The following NLRP5 variants were observed in gnomAD, a reference collection of about 807,000 sequenced individuals.
NLRP5 encodes the protein NACHT, LRR and PYD domains-containing protein 5.
A neutral mutation model predicts 113.1 loss-of-function variants in NLRP5; 93 were observed. The observed-to-expected ratio is 0.82, with a 90% CI of 0.70 to 0.98. The LOEUF (loss-of-function observed/expected upper bound fraction) is 0.98. Ranked by LOEUF, NLRP5 falls within the 50% of genes least tolerant of loss-of-function variation. The pLI is 0.00. For synonymous variants in NLRP5, 751 were observed against 600.7 expected (o/e 1.25, Z -3.66); for missense variants, 1,808 against 1,514.3 (o/e 1.19, Z -3.22).
rs369074191 is a variant in NLRP5, at chr19:56,028,122, C to T, written c.1889C>T (p.Ser630Leu). The T allele has an allele frequency of 8.1e-6, 13 of 1,613,896 alleles. No individual in the cohort carries two copies. Among genetic ancestry groups the T allele is most frequent in the African/African-American group, 2.7e-5 (2 of 74,930 alleles). Reference sequence around the variant, plus strand: ...AAACAGGCAGGCTTCCATATCCACTCGCTTTGGATGAAGCGTTTCTTGTTT... The same window carrying T: ...AAACAGGCAGGCTTCCATATCCACTTGCTTTGGATGAAGCGTTTCTTGTTT... Residue 630 changes from serine to leucine, a missense_variant, in exon 7 of 15, where the codon TCG becomes TTG. Physicochemically the swap from Ser to Leu is moderately radical, Grantham distance 145. Coordinates refer to ENST00000390649, the MANE Select transcript of NLRP5 (RefSeq NM_153447.4).
chr19:56,000,273 T>G (rs1486611092), intron 1 of NLRP5, among the ~76,000 whole-genome samples: 1 of 152,184 alleles, frequency 6.6e-6, no homozygotes, highest in Non-Finnish European at 1.5e-5. Flanking sequence ...GCCACTCTTT[T>G]CAGAGGCCCT....
intron 11 of NLRP5, among the ~76,000 whole-genome samples, chr19:56,045,505 C>T (rs1983688683): frequency 6.6e-6 from 1 of 151,932 alleles, no homozygotes; most frequent in Non-Finnish European, 1.5e-5. Context: ...TGTTGGTATG[C>T]ACCCATTAAC....
Position 56,016,488 on chromosome 19 carries a change from T to G in NLRP5, c.565+690T>G, listed in dbSNP as rs116984512. Reference sequence around the variant, plus strand: ...CATTTAAAATCCTCTTTTAGCTATTTTGAAATAGACTTTGTTATTAACCAG... The same window carrying G: ...CATTTAAAATCCTCTTTTAGCTATTGTGAAATAGACTTTGTTATTAACCAG... On this transcript the variant is annotated intron_variant, in intron 4 of 14. Coordinates refer to ENST00000390649, the MANE Select transcript of NLRP5 (RefSeq NM_153447.4). Among the ~76,000 whole-genome samples, 1,497 of 152,292 alleles carry G rather than the reference T, an allele frequency of 9.8e-3. 18 individuals carry two copies. The highest frequency in any genetic ancestry group is 0.031 in the Middle Eastern group (9 of 294).
chr19:56,017,049 C>T (rs574420877), intron 4 of NLRP5, among the ~76,000 whole-genome samples: 19 of 152,244 alleles, frequency 1.2e-4, no homozygotes, highest in East Asian at 3.9e-4. Context: ...CCTCGTGATC[C>T]GCCCGCCTCG....
At chr19:56,024,392 A>ATACATATATG (rs563748533) in intron 6 of NLRP5, among the ~76,000 whole-genome samples, 3 of 127,488 alleles carry the variant, frequency 2.4e-5, no homozygotes, top group Non-Finnish European at 3.3e-5. Flanking sequence ...TATAACATAT[A>ATACATATATG]TACATATATG....
intron 2 of NLRP5, 68 bp downstream of exon 2, chr19:56,004,163 G>A: frequency 6.7e-7 from 1 of 1,501,822 alleles, no homozygotes; most frequent in African/African-American, 1.4e-5. Context: ...TGGGAACAGG[G>A]AAGAATCGTT....
intron 6 of NLRP5, among the ~76,000 whole-genome samples, chr19:56,021,834 G>T (rs1046216646): frequency 1.3e-5 from 2 of 152,144 alleles, no homozygotes; most frequent in Non-Finnish European, 2.9e-5. Context: ...AGATATTGAA[G>T]ATATAAAGCT....
intron 14 of NLRP5, 126 bp from the exon 15 acceptor site, chr19:56,061,270 T>TG (rs1984342433): frequency 1.1e-6 from 1 of 940,908 alleles, no homozygotes; most frequent in Non-Finnish European, 1.5e-6. Flanking sequence ...TTTAACTCTT[T>TG]GGGGCACGTT....
chr19:56,050,333 C>T (rs1983884751), intron 11 of NLRP5, 85 bp from the exon 12 acceptor site: 2 of 1,304,524 alleles, frequency 1.5e-6, no homozygotes, highest in African/African-American at 1.5e-5. Flanking sequence ...AAGCAGACTG[C>T]AGCTGGGAGG....
chr19:55,998,560 G>A (rs1288574963), upstream of NLRP5, among the ~76,000 whole-genome samples: 4 of 151,332 alleles, frequency 2.6e-5, no homozygotes, highest in African/African-American at 9.7e-5. Flanking sequence ...GGCTGAGACA[G>A]GAGAATTGCT....
upstream of NLRP5, among the ~76,000 whole-genome samples, chr19:55,998,714 G>GTATATATATATATGTGTA (rs1555762455): frequency 5.3e-5 from 4 of 76,006 alleles, no homozygotes; most frequent in African/African-American, 2.3e-4. Flanking sequence ...GTGTGTGTGT[G>GTATATATATATATGTGTA]TATATATATA....
intron 6 of NLRP5, among the ~76,000 whole-genome samples, chr19:56,024,395 C>A (rs1485859841): frequency 8.7e-6 from 1 of 114,344 alleles, no homozygotes; most frequent in African/African-American, 3.4e-5. Flanking sequence ...AACATATATA[C>A]ATATATGTAC....
At chr19:56,055,150 G>C (rs564500921) in intron 13 of NLRP5, among the ~76,000 whole-genome samples, 1 of 151,724 alleles carries the variant, frequency 6.6e-6, no homozygotes, top group Non-Finnish European at 1.5e-5. Flanking sequence ...CACCATGCCC[G>C]GCTACTTTTT....
At chr19:56,017,968 C>A (rs1294035551) in intron 4 of NLRP5, among the ~76,000 whole-genome samples, 1 of 152,170 alleles carries the variant, frequency 6.6e-6, no homozygotes, top group Non-Finnish European at 1.5e-5. Context: ...TATTTATTTT[C>A]TCCACCATAT....
intron 1 of NLRP5, among the ~76,000 whole-genome samples, chr19:56,003,254 C>T (rs535198940): frequency 2.6e-5 from 4 of 152,172 alleles, no homozygotes; most frequent in East Asian, 1.9e-4. Context: ...CAGATTCAAG[C>T]GATTCTCCTG....
chr19:56,011,008 T>TGAGTGTGG (rs1291808656), intron 3 of NLRP5, among the ~76,000 whole-genome samples: 1 of 151,686 alleles, frequency 6.6e-6, no homozygotes, highest in Non-Finnish European at 1.5e-5. Context: ...TAAAATTAGC[T>TGAGTGTGG]GAGTGTGGGA....
Position 56,017,555 on chromosome 19 carries a change from A to G in NLRP5, c.565+1757A>G, listed in dbSNP as rs1261037252. Among the ~76,000 whole-genome samples the G allele has an allele frequency of 3.9e-5, 6 of 152,114 alleles. No individual in the cohort carries two copies. The East Asian group carries it at 1.2e-3, about 29-fold the overall frequency. ...GAGGATCGTGTGGCTTCACTTCCATATATTTGGAAATTTTCAAATTTTCTG... is the reference window on the plus strand; with the variant it reads ...GAGGATCGTGTGGCTTCACTTCCATGTATTTGGAAATTTTCAAATTTTCTG... On this transcript the variant is annotated intron_variant, in intron 4 of 14. Coordinates refer to ENST00000390649, the MANE Select transcript of NLRP5 (RefSeq NM_153447.4).
upstream of NLRP5, among the ~76,000 whole-genome samples, chr19:55,998,690 A>ATGTGTGTGTG (rs760041369): frequency 7.1e-5 from 4 of 56,286 alleles, no homozygotes; most frequent in Admixed American, 3.5e-4. Context: ...ATATATATAT[A>ATGTGTGTGTG]TATATATATA....
rs1451475349 is a variant in NLRP5 at position 56,028,079 on chromosome 19, A to G, written c.1846A>G (p.Lys616Glu). 4 of 1,613,892 alleles carry G rather than the reference A, an allele frequency of 2.5e-6. No individual in the cohort carries two copies. The African/African-American group carries it at 4.0e-5, about 16-fold the overall frequency. ...CTGCCCTCTGTACGTTGAGAAGACA[A>G]AGAGGTCCATGGAGCTTAAACAGGC... Residue 616 changes from lysine (K) to glutamate (E), a missense_variant, in exon 7 of 15, where the codon AAG (lysine) becomes GAG (glutamate). Transcript: ENST00000390649.
Sources: allele counts gnomAD v4.1 joint callset (sites outside exome capture counted in the v4.1 genomes callset), GRCh38; gene constraint gnomAD v4.1.1; transcripts MANE v1.5; gene names NCBI Gene and HGNC (gene_info 2026-07-23, HGNC 2026-07-21).